Variants in NCKAP5 observed in about 807,000 individuals in gnomAD.
The protein encoded by NCKAP5 is nck-associated protein 5.
NCKAP5 carries 92 observed loss-of-function variants against 167.0 expected under a neutral mutation model. That is an observed-to-expected ratio of 0.55 (90% CI 0.47 to 0.66). The LOEUF (loss-of-function observed/expected upper bound fraction) is 0.66. NCKAP5 is among the 30% of genes least tolerant of loss of function. The pLI is 0.00. For missense variants in NCKAP5, 2,378 were observed against 2,315.0 expected, an observed-to-expected ratio of 1.03 and a Z score of -0.56; for synonymous variants, 891 against 877.4, an observed-to-expected ratio of 1.02 and a Z score of -0.27.
chr2:133,355,825 C>CT (rs1684675233), intron 3 of NCKAP5, among the ~76,000 whole-genome samples: 1 of 152,084 alleles, frequency 6.6e-6, no homozygotes, highest in South Asian at 2.1e-4. Context: ...TTTGCATTTT[C>CT]TTTTTATTTT....
chr2:133,525,327 C>T lies in NCKAP5; in HGVS notation c.-61-7740G>A, dbSNP rs1470581641. On this transcript the variant is annotated intron_variant, in intron 2 of 19. Transcript: ENST00000409261. Reference sequence around the variant, plus strand: ...CTACATTCATGCTCACTAAACGTCTCACTAATAATATTCAGTAGCTTCCGG... The same window carrying T: ...CTACATTCATGCTCACTAAACGTCTTACTAATAATATTCAGTAGCTTCCGG... 2.0e-5 allele frequency among the ~76,000 whole-genome samples: 3 copies of T among 152,318 alleles called. No homozygotes were observed. In the South Asian group the frequency reaches 6.2e-4, roughly 32 times the overall value.
At chr2:132,940,394 T>C (rs181657009) in intron 8 of NCKAP5, among the ~76,000 whole-genome samples, 28 of 152,292 alleles carry the variant, frequency 1.8e-4, no homozygotes, top group East Asian at 7.7e-4. Flanking sequence ...GTGATCAAAT[T>C]TGGTCATCAC....
intron 3 of NCKAP5, among the ~76,000 whole-genome samples, chr2:133,343,674 A>G (rs907231139): frequency 6.6e-6 from 1 of 152,234 alleles, no homozygotes; most frequent in Non-Finnish European, 1.5e-5. Context: ...AGATACTGCC[A>G]TAGACAGGAT....
intron 7 of NCKAP5, among the ~76,000 whole-genome samples, chr2:132,976,783 TAAAAATTCTAAAACAAAATAAA>T (rs2076990103): frequency 6.6e-6 from 1 of 151,786 alleles, no homozygotes; most frequent in South Asian, 2.1e-4. Context: ...TTTTTTCAAG[TAAAAATTCTAAAACAAAATAAA>T]AAAAATTCTA....
At chr2:133,000,443 A>C (rs531502335) in intron 6 of NCKAP5, among the ~76,000 whole-genome samples, 1 of 152,300 alleles carries the variant, frequency 6.6e-6, no homozygotes, top group Non-Finnish European at 1.5e-5. Context: ...AATGGCAACA[A>C]AGAGGACCAG....
chr2:133,464,782 TG>T (rs1692437447), intron 3 of NCKAP5, among the ~76,000 whole-genome samples: 1 of 152,078 alleles, frequency 6.6e-6, no homozygotes, highest in Non-Finnish European at 1.5e-5. Flanking sequence ...GTAGAAAACT[TG>T]GATGCCACCT....
chr2:133,259,635 AT>A (rs1341158903), intron 4 of NCKAP5, among the ~76,000 whole-genome samples: 1 of 152,206 alleles, frequency 6.6e-6, no homozygotes, highest in African/African-American at 2.4e-5. Flanking sequence ...CAGTGCCAAA[AT>A]GTTGAACAAG....
chr2:132,824,038 G>T (rs1686953164), intron 11 of NCKAP5, among the ~76,000 whole-genome samples: 1 of 152,150 alleles, frequency 6.6e-6, no homozygotes, highest in South Asian at 2.1e-4. Context: ...ATGTATTGGG[G>T]TGACTGTGGG....
intron 3 of NCKAP5, among the ~76,000 whole-genome samples, chr2:133,366,952 C>T (rs763506237): frequency 1.2e-4 from 18 of 152,240 alleles, no homozygotes; most frequent in South Asian, 2.1e-4. Flanking sequence ...TTACTTATCA[C>T]GTAAAGACAC....
chr2:132,686,862 CA>C (rs539996678), intron 19 of NCKAP5, among the ~76,000 whole-genome samples: 2 of 151,804 alleles, frequency 1.3e-5, no homozygotes, highest in Admixed American at 6.6e-5. Context: ...CTTTGTTCTT[CA>C]AAAAAAATTT....
intron 6 of NCKAP5, among the ~76,000 whole-genome samples, chr2:133,005,154 C>T (rs950621487): frequency 4.6e-5 from 7 of 152,002 alleles, no homozygotes; most frequent in East Asian, 1.9e-4. Context: ...CCTCAGCTTA[C>T]GAAGATGATG....
At chr2:132,898,309 ACT>A (rs1396025139) in intron 8 of NCKAP5, among the ~76,000 whole-genome samples, 1 of 151,814 alleles carries the variant, frequency 6.6e-6, no homozygotes, top group Non-Finnish European at 1.5e-5. Context: ...TCTAATTCTA[ACT>A]CTCTTGCCAT....
intron 6 of NCKAP5, among the ~76,000 whole-genome samples, chr2:133,113,202 G>GTTT (rs74914476): frequency 1.4e-5 from 2 of 143,064 alleles, no homozygotes; most frequent in African/African-American, 2.6e-5. Flanking sequence ...CACAATTGGA[G>GTTT]TTTTTTTTTT....
intron 8 of NCKAP5, among the ~76,000 whole-genome samples, chr2:132,951,099 G>T (rs2076173315): frequency 6.6e-6 from 1 of 152,188 alleles, no homozygotes; most frequent in Non-Finnish European, 1.5e-5. Context: ...TTACTTTGCT[G>T]GGTTGAGATG....
At chr2:133,489,769 C>G (rs535969336) in intron 3 of NCKAP5, among the ~76,000 whole-genome samples, 48 of 152,284 alleles carry the variant, frequency 3.2e-4, no homozygotes, top group African/African-American at 1.1e-3. Flanking sequence ...TGGCTAAATG[C>G]CCAAGGCCCT....
At chr2:133,188,693 G>C (rs577528613) in intron 5 of NCKAP5, among the ~76,000 whole-genome samples, 3 of 151,924 alleles carry the variant, frequency 2.0e-5, no homozygotes, top group Admixed American at 2.0e-4. Context: ...TACTGGGTAC[G>C]TAATGAAATG....
rs779027396 is a variant in NCKAP5 at position 132,784,945 on chromosome 2, C to T, written c.1866G>A (p.Gly622=). The change falls in exon 14 of 20, where the codon GGG becomes GGA. Residue 622 remains glycine, a synonymous_variant. Coordinates refer to ENST00000409261, the MANE Select transcript of NCKAP5 (RefSeq NM_207363.3). ...GAGACCCACATAGAGATTTTCCAAA[C>T]CCCACAAGGACATCCAGGTTCTCCA... is the stretch of plus-strand genomic sequence containing the variant. ...KSVENLDVLV[G]FGKSLCGSPE... is the part of the protein sequence containing the mutation. The T allele has an allele frequency of 3.1e-6, 5 of 1,605,136 alleles. No homozygotes were observed. In the Admixed American group the frequency reaches 8.5e-5, roughly 27 times the overall value.
intron 8 of NCKAP5, chr2:132,954,527 T>G (rs1164448141): frequency 2.6e-6 from 1 of 389,912 alleles, no homozygotes; most frequent in African/African-American, 2.1e-5. Context: ...ATTGAAATAC[T>G]GTGAACAAGG....
chr2:133,605,116 C>T, the NCKAP5 span, among the ~76,000 whole-genome samples: 6 of 152,280 alleles, frequency 3.9e-5, no homozygotes, highest in South Asian at 1.2e-3. Flanking sequence ...TTAATCCCTA[C>T]CCTATGCCTT....
Sources: allele counts gnomAD v4.1 joint callset (sites outside exome capture counted in the v4.1 genomes callset), GRCh38; gene constraint gnomAD v4.1.1; transcripts MANE v1.5; gene names NCBI Gene and HGNC (gene_info 2026-07-23, HGNC 2026-07-21).